The following BPIFB4 variants were observed in gnomAD, a reference collection of about 807,000 sequenced individuals.
BPIFB4 encodes the protein BPI fold-containing family B member 4.
Under a neutral mutation model 69.2 loss-of-function variants are expected in BPIFB4, and 62 were observed. That is an observed-to-expected ratio of 0.90 (90% confidence interval 0.73 to 1.11). The LOEUF (loss-of-function observed/expected upper bound fraction) is 1.11. Ranked by LOEUF, BPIFB4 falls within the 50% of genes least tolerant of loss-of-function variation. The probability of loss-of-function intolerance (pLI) is 0.00; values close to 1 mark genes in which losing one functional copy is unlikely to be tolerated. For missense variants in BPIFB4, 789 were observed against 792.0 expected (o/e 1.00, Z 0.04); for synonymous variants, 330 against 332.7 (o/e 0.99, Z 0.09).
intron 2 of BPIFB4, 30 bp from the exon 3 acceptor site, chr20:33,081,482 A>G: frequency 6.5e-7 from 1 of 1,549,430 alleles, no homozygotes; most frequent in Non-Finnish European, 8.7e-7. Flanking sequence ...GCGCCCAGCC[A>G]CATCTGCATC....
intron 13 of BPIFB4, 120 bp downstream of exon 13, chr20:33,097,907 A>G: frequency 8.8e-7 from 1 of 1,133,426 alleles, no homozygotes; most frequent in Non-Finnish European, 1.2e-6. Context: ...CTATGGGCCC[A>G]ACTTTGGGGC....
In BPIFB4 at chr20:33,083,878, A is replaced by C; in HGVS notation, c.677+4A>C. The C allele has an allele frequency of 6.3e-7, 1 of 1,597,340 alleles. No homozygotes were observed. Among genetic ancestry groups the C allele is most frequent in the Non-Finnish European group, 8.5e-7 (1 of 1,170,206 alleles). On this transcript the variant is annotated splice_donor_region_variant and intron_variant, in intron 5 of 17. Coordinates refer to ENST00000375483, the MANE Select transcript of BPIFB4 (RefSeq NM_182519.3). ...GCACTGTGCAAGGCATCACGGGGTA[A>C]GGAGGGGACGGGTTCTCCCCAGAAA...
Position 33,081,500 on chromosome 20 carries a change from T to C in BPIFB4, c.-15-12T>C. On this transcript the variant is annotated splice_polypyrimidine_tract_variant and intron_variant, in intron 2 of 17. Transcript: ENST00000375483. ...CCCAGCCACATCTGCATCTGCACTT[T>C]CTCCTCCACAGGGAAGCAGTGCCAG... is the stretch of plus-strand genomic sequence containing the variant. 6.4e-7 allele frequency: 1 copy of C among 1,551,342 alleles called. No homozygotes were observed. Among genetic ancestry groups the C allele is most frequent in the South Asian group, 1.2e-5 (1 of 84,046 alleles).
chr20:33,109,821 A>G (rs1307505478), intron 17 of BPIFB4, among the ~76,000 whole-genome samples: 1 of 152,210 alleles, frequency 6.6e-6, no homozygotes, highest in East Asian at 1.9e-4. Flanking sequence ...TGTAATGGGT[A>G]TTGGGTTTGA....
intron 17 of BPIFB4, among the ~76,000 whole-genome samples, chr20:33,111,036 G>A (rs1003429117): frequency 1.7e-4 from 26 of 151,912 alleles, no homozygotes; most frequent in African/African-American, 5.6e-4. Context: ...GGCTGGTCTC[G>A]AACTCCTGAC....
intron 17 of BPIFB4, among the ~76,000 whole-genome samples, chr20:33,109,469 C>T (rs1346435537): frequency 6.6e-6 from 1 of 152,032 alleles, no homozygotes; most frequent in Non-Finnish European, 1.5e-5. Context: ...GAGGGTAGGC[C>T]ACTTGCTCGA....
In BPIFB4 at chr20:33,111,438, G is replaced by A. The variant is rs370859482; in HGVS notation, c.*1G>A. On this transcript the variant is annotated 3_prime_UTR_variant, in exon 18 of 18. Transcript: ENST00000375483. Reference sequence around the variant, plus strand: ...GGACCTTTTGGTGCTGAGCGCATGAGTGACAGAGGCAGAGATGCTGCTGCA... The same window carrying A: ...GGACCTTTTGGTGCTGAGCGCATGAATGACAGAGGCAGAGATGCTGCTGCA... 6.2e-7 allele frequency: 1 copy of A among 1,614,078 alleles called. No homozygotes were observed. Among genetic ancestry groups the A allele is most frequent in the Non-Finnish European group, 8.5e-7 (1 of 1,179,960 alleles).
intron 6 of BPIFB4, 100 bp downstream of exon 6, chr20:33,085,096 TG>T (rs2146403698): frequency 6.6e-7 from 1 of 1,505,220 alleles, no homozygotes; most frequent in African/African-American, 1.4e-5. Context: ...TGCCAGTGCA[TG>T]CCCACAGACT....
intron 11 of BPIFB4, among the ~76,000 whole-genome samples, chr20:33,094,077 A>G (rs1568585825): frequency 6.6e-6 from 1 of 152,216 alleles, no homozygotes; most frequent in African/African-American, 2.4e-5. Context: ...TTCTGCACAA[A>G]ACCATCATAC....
intron 5 of BPIFB4, among the ~76,000 whole-genome samples, chr20:33,084,217 T>C (rs1311955096): frequency 6.6e-6 from 1 of 152,246 alleles, no homozygotes; most frequent in Non-Finnish European, 1.5e-5. Flanking sequence ...ATATATATCA[T>C]AAGTTCTATG....
intron 12 of BPIFB4, 45 bp from the exon 13 acceptor site, chr20:33,097,572 C>G: frequency 1.9e-6 from 3 of 1,584,132 alleles, no homozygotes; most frequent in Non-Finnish European, 1.7e-6. Flanking sequence ...CTGGGTACCT[C>G]CTATGCTAAG....
chr20:33,101,809 G>C (rs1410139792), intron 14 of BPIFB4, among the ~76,000 whole-genome samples: 2 of 152,190 alleles, frequency 1.3e-5, no homozygotes, highest in Admixed American at 1.3e-4. Flanking sequence ...GCCTCCCAAA[G>C]TTCTGGGATT....
chr20:33,081,510 A>G lies in BPIFB4; in HGVS notation c.-15-2A>G. 6.4e-7 allele frequency: 1 copy of G among 1,551,482 alleles called. No individual in the cohort carries two copies. On this transcript the variant is annotated splice_acceptor_variant, in intron 2 of 17. Transcript: ENST00000375483. LOFTEE classifies it low-confidence loss of function (5UTR_SPLICE). ...TCTGCATCTGCACTTTCTCCTCCAC[A>G]GGGAAGCAGTGCCAGCATGTGGATG... is the stretch of plus-strand genomic sequence containing the variant.
At chr20:33,091,611 T>C (rs1038739970) in intron 10 of BPIFB4, among the ~76,000 whole-genome samples, 1 of 152,272 alleles carries the variant, frequency 6.6e-6, no homozygotes, top group Non-Finnish European at 1.5e-5. Flanking sequence ...CACCTGTGCA[T>C]GCACACCTAA....
In BPIFB4 at chr20:33,086,141, C is replaced by T. The variant is rs754015765; in HGVS notation, c.903C>T (p.Gly301=). The part of the protein sequence containing the change: ...VIERCDTLLG[G]IKVKLLRGLL... ...AGCGATGTGACACCCTCCTAGGGGG[C>T]ATCAAAGTCAAGCTGCTGCGAGGGT... The change falls in exon 7 of 18, where the codon GGC becomes GGT. Residue 301 remains glycine (G), a synonymous_variant. Transcript: ENST00000375483. The T allele has an allele frequency of 2.5e-6, 4 of 1,607,342 alleles. No homozygotes were observed. Among genetic ancestry groups the T allele is most frequent in the Non-Finnish European group, 3.4e-6 (4 of 1,174,566 alleles).
chr20:33,090,613 G>C, intron 9 of BPIFB4, 95 bp from the exon 10 acceptor site: 1 of 1,562,648 alleles, frequency 6.4e-7, no homozygotes, highest in South Asian at 1.2e-5. Flanking sequence ...GCTGGAGCCT[G>C]GGCCTACCTT....
At position 33,111,555 on chromosome 20, in the gene BPIFB4, C is replaced by G; in HGVS notation, c.*118C>G. The G allele has an allele frequency of 1.5e-6, 2 of 1,302,424 alleles. No homozygotes were observed. The highest frequency in any genetic ancestry group is 3.9e-5 in the Admixed American group (2 of 51,576). The allele number at this position is 1,302,424 out of a possible 1,614,324, so 80.7% of individuals were successfully genotyped here. On this transcript the variant is annotated 3_prime_UTR_variant, in exon 18 of 18. Coordinates refer to ENST00000375483, the MANE Select transcript of BPIFB4 (RefSeq NM_182519.3). Reference sequence around the variant, plus strand: ...CTCAGCCTCCATGACAGGTCCCTCCCTGGCCCCCCAACCCTCTTCCTCCCT... The same window carrying G: ...CTCAGCCTCCATGACAGGTCCCTCCGTGGCCCCCCAACCCTCTTCCTCCCT...
chr20:33,102,887 G>T (rs1423942344), intron 14 of BPIFB4, 85 bp from the exon 15 acceptor site: 4 of 1,331,306 alleles, frequency 3.0e-6, no homozygotes, highest in Non-Finnish European at 4.3e-6. Flanking sequence ...ATAGTGGAGG[G>T]GCTTCTCACA....
chr20:33,111,178 A>G (rs952651114), intron 17 of BPIFB4, among the ~76,000 whole-genome samples: 7 of 152,182 alleles, frequency 4.6e-5, no homozygotes, highest in African/African-American at 1.4e-4. Flanking sequence ...ACTCAGGCCT[A>G]CTTCTCTTAT....
Sources: allele counts gnomAD v4.1 joint callset (sites outside exome capture counted in the v4.1 genomes callset), GRCh38; gene constraint gnomAD v4.1.1; transcripts MANE v1.5; gene names NCBI Gene and HGNC (gene_info 2026-07-23, HGNC 2026-07-21).